DNAH12: variants seen among roughly 807,000 people sequenced by gnomAD.
DNAH12 encodes dynein axonemal heavy chain 12.
In DNAH12, 285 loss-of-function variants were observed where a neutral mutation model predicts 371.5. The observed-to-expected ratio is 0.77, with a 90% CI of 0.70 to 0.85. The LOEUF (loss-of-function observed/expected upper bound fraction) is 0.85. Among genes scored for constraint, DNAH12 ranks in the 40% least tolerant of loss-of-function variants. The pLI, the probability that DNAH12 is intolerant of heterozygous loss-of-function variation, is 0.00. For missense variants in DNAH12, 3,611 were observed against 3,689.4 expected (o/e 0.98, Z 0.55); for synonymous variants, 1,200 against 1,213.0 (o/e 0.99, Z 0.22).
At chr3:57,405,594 T>C in intron 41 of DNAH12, 59 bp downstream of exon 41, 1 of 1,444,264 alleles carries the variant, frequency 6.9e-7, no homozygotes, top group Non-Finnish European at 9.2e-7. Flanking sequence ...ATAACTTAAT[T>C]GTAACAATTC....
At chr3:57,493,433 T>G (rs2067200798) in intron 11 of DNAH12, among the ~76,000 whole-genome samples, 1 of 152,206 alleles carries the variant, frequency 6.6e-6, no homozygotes, top group Non-Finnish European at 1.5e-5. Flanking sequence ...CTATACCATT[T>G]TATATGAGAC....
chr3:57,334,643 AT>A lies in DNAH12; in HGVS notation c.9834-35del, dbSNP rs776060813. On this transcript the variant is annotated intron_variant, in intron 61 of 73. Transcript: ENST00000495027. Reference sequence around the variant, plus strand: ...AAAAAGCTTAAGAATTATTCTTTTTATTGGGAAAAACTTAAAAGAGATTGTT... The same window carrying A: ...AAAAAGCTTAAGAATTATTCTTTTTATGGGAAAAACTTAAAAGAGATTGTT... 2.6e-6 allele frequency: 4 copies of A among 1,522,036 alleles called. No individual in the cohort carries two copies. The South Asian group carries it at 5.1e-5, about 20-fold the overall frequency. The allele number at this position is 1,522,036 out of a possible 1,614,324, so 94.3% of individuals were successfully genotyped here.
chr3:57,353,333 C>G (rs2062726019), intron 59 of DNAH12, among the ~76,000 whole-genome samples: 1 of 151,494 alleles, frequency 6.6e-6, no homozygotes, highest in African/African-American at 2.4e-5. Context: ...CACCCTGTCA[C>G]CCAGGCTGGA....
intron 20 of DNAH12, 46 bp from the exon 21 acceptor site, chr3:57,458,266 T>C: frequency 6.6e-7 from 1 of 1,505,836 alleles, no homozygotes; most frequent in Non-Finnish European, 8.8e-7. Context: ...ATGCCAGATA[T>C]AATTATGACT....
At chr3:57,512,510 C>T (rs1231840289) in intron 4 of DNAH12, 1 of 152,100 alleles carries the variant, frequency 6.6e-6, no homozygotes, top group Non-Finnish European at 1.5e-5. Context: ...TCAGCATGGC[C>T]CCTGTGCAAG....
At chr3:57,448,073 T>C (rs572188202) in intron 25 of DNAH12, among the ~76,000 whole-genome samples, 1 of 152,370 alleles carries the variant, frequency 6.6e-6, no homozygotes, top group African/African-American at 2.4e-5. Context: ...AAGAAAATGT[T>C]CACAAACATG....
chr3:57,447,632 G>A (rs1045947354), intron 25 of DNAH12, among the ~76,000 whole-genome samples: 4 of 152,042 alleles, frequency 2.6e-5, no homozygotes, highest in East Asian at 3.9e-4. Context: ...AAATCCAAGA[G>A]AGACAGCTAG....
At chr3:57,306,521 C>G (rs2061474452) in intron 69 of DNAH12, among the ~76,000 whole-genome samples, 1 of 152,068 alleles carries the variant, frequency 6.6e-6, no homozygotes, top group Admixed American at 6.5e-5. Context: ...CGCCTTTTCC[C>G]CCAGTTCAAA....
rs1267311157 is a variant in DNAH12, at chr3:57,446,175, G to C, written c.4035C>G (p.Ile1345Met). ...GTTGAATAGCTCTCTGAATGCAAAG[G>C]ATCTGTTGAGCTACCACTGACAACA... ...LEVLSVVAQQ[I>M]LCIQRAIQQK... Residue 1345 changes from isoleucine (I) to methionine (M), a missense_variant, in exon 27 of 74, where the codon ATC becomes ATG. Physicochemically the swap from Ile to Met is conservative, Grantham distance 10. This residue lies in a region of DNAH12 where 2,266 missense variants were observed against 2,236.9 expected (regional missense o/e 1.01). Transcript: ENST00000495027. 3 of 1,551,634 alleles carry C rather than the reference G, an allele frequency of 1.9e-6. No individual in the cohort carries two copies. Among genetic ancestry groups the C allele is most frequent in the Non-Finnish European group, 2.6e-6 (3 of 1,146,998 alleles).
At chr3:57,412,336 GCA>G (rs1201554788) in intron 39 of DNAH12, among the ~76,000 whole-genome samples, 1 of 152,134 alleles carries the variant, frequency 6.6e-6, no homozygotes, top group African/African-American at 2.4e-5. Context: ...AATATTAAAT[GCA>G]ATACTATAAA....
At chr3:57,502,652 C>G (rs765736786) in intron 9 of DNAH12, among the ~76,000 whole-genome samples, 173 bp from the exon 10 acceptor site, 1 of 152,036 alleles carries the variant, frequency 6.6e-6, no homozygotes, top group Non-Finnish European at 1.5e-5. Flanking sequence ...CAGGTTCAAG[C>G]GATTCTCCTG....
chr3:57,382,987 T>C (rs1313953871), intron 49 of DNAH12, among the ~76,000 whole-genome samples: 1 of 152,194 alleles, frequency 6.6e-6, no homozygotes, highest in Non-Finnish European at 1.5e-5. Context: ...TCCAGATCAC[T>C]TGAGTGATAC....
At chr3:57,464,054 C>T (rs368180739) in intron 17 of DNAH12, among the ~76,000 whole-genome samples, 1 of 152,016 alleles carries the variant, frequency 6.6e-6, no homozygotes, top group African/African-American at 2.4e-5. Context: ...CAGAAAATTT[C>T]CCCCCAACTC....
chr3:57,353,839 C>T lies in DNAH12; in HGVS notation c.9534-1614G>A, dbSNP rs1203010096. On this transcript the variant is annotated intron_variant, in intron 59 of 73. Transcript: ENST00000495027. ...ACCACAATGGGATACCATCTCACAC[C>T]AGTCAGAATGGCTATAATTAAAAAG... Among the ~76,000 whole-genome samples the T allele has an allele frequency of 5.3e-5, 8 of 152,226 alleles. No homozygotes were observed. In the East Asian group the frequency reaches 1.5e-3, roughly 29 times the overall value.
intron 59 of DNAH12, among the ~76,000 whole-genome samples, chr3:57,354,525 A>C (rs2062752472): frequency 7.1e-6 from 1 of 140,976 alleles, no homozygotes; most frequent in South Asian, 2.2e-4. Context: ...AATAAACCCT[A>C]TGTCTTGTTT....
At chr3:57,413,933 G>A (rs1454331324) in intron 38 of DNAH12, 21 bp from the exon 39 acceptor site, 16 of 1,542,428 alleles carry the variant, frequency 1.0e-5, no homozygotes, top group East Asian at 2.5e-5. Flanking sequence ...AAGGAAGAAT[G>A]GTATATTTAC....
At position 57,375,415 on chromosome 3, in the gene DNAH12, T is replaced by G. The variant is rs2063262464; in HGVS notation, c.8715A>C (p.Thr2905=). The part of the protein sequence containing the change: ...AWNIAGLPTD[T]FSIDNGVIVN... ...CGATCACTCCGTTATCTATGGAAAA[T>G]GTATCTGTTGGTAAACCAGCAATAT... Residue 2905 remains threonine, a synonymous_variant, in exon 55 of 74, where the codon ACA becomes ACC. Coordinates refer to ENST00000495027, the MANE Select transcript of DNAH12 (RefSeq NM_001366028.2). The G allele has an allele frequency of 6.6e-6, 1 of 152,164 alleles. No homozygotes were observed. Among genetic ancestry groups the G allele is most frequent in the African/African-American group, 2.4e-5 (1 of 41,450 alleles). 9.4% of individuals were successfully genotyped at this position (152,164 alleles called of 1,614,324 possible). A position where few individuals can be genotyped will look rare whatever the true frequency, so the allele number is the denominator to read the frequency against.
intron 58 of DNAH12, among the ~76,000 whole-genome samples, chr3:57,361,411 T>TACAC (rs1180071289): frequency 7.1e-6 from 1 of 139,946 alleles, no homozygotes; most frequent in African/African-American, 2.9e-5. Flanking sequence ...TATATATATA[T>TACAC]ACACACACAC....
intron 12 of DNAH12, among the ~76,000 whole-genome samples, chr3:57,487,950 A>ATGTT (rs2066988813): frequency 6.6e-6 from 1 of 152,000 alleles, no homozygotes. Flanking sequence ...GGATGGTTAC[A>ATGTT]ACTCTCAAGA....
Sources: gnomAD v4.1 joint callset for allele counts (sites outside exome capture counted in the v4.1 genomes callset) on GRCh38, gnomAD v4.1.1 for gene constraint, gnomAD v4.1.1 regional missense constraint, MANE v1.5 for transcripts, NCBI Gene and HGNC (gene_info 2026-07-23, HGNC 2026-07-21) for gene names.